Variants in CCDC149 observed in about 807,000 individuals in gnomAD.
CCDC149 encodes the protein coiled-coil domain-containing protein 149.
Under a neutral mutation model 59.9 loss-of-function variants are expected in CCDC149, and 45 were observed. The ratio of observed to expected loss-of-function variants is 0.75; its 90% CI spans 0.59 to 0.96. The LOEUF is 0.96. Ranked by LOEUF, CCDC149 falls within the 40% of genes least tolerant of loss-of-function variation. The pLI is 0.00. For missense variants in CCDC149, 584 were observed against 664.7 expected (o/e 0.88, Z 1.33); for synonymous variants, 245 against 260.6 (o/e 0.94, Z 0.58).
At chr4:24,890,475 T>C (rs1165498771) in intron 1 of CCDC149, among the ~76,000 whole-genome samples, 1 of 152,198 alleles carries the variant, frequency 6.6e-6, no homozygotes, top group Non-Finnish European at 1.5e-5. Context: ...AAGGATTCTA[T>C]AGAATTACTT....
chr4:24,834,313 A>T (rs916719394), intron 8 of CCDC149, among the ~76,000 whole-genome samples: 5 of 152,328 alleles, frequency 3.3e-5, no homozygotes, highest in Admixed American at 6.5e-5. Flanking sequence ...AATTCTGAAT[A>T]TTAAGTGTCA....
intron 1 of CCDC149, among the ~76,000 whole-genome samples, chr4:24,888,318 T>A (rs982639177): frequency 2.6e-5 from 4 of 152,136 alleles, no homozygotes; most frequent in African/African-American, 9.7e-5. Context: ...CAGATAGCCA[T>A]CAATTTATTA....
chr4:24,885,673 G>A (rs1577450785), intron 1 of CCDC149, among the ~76,000 whole-genome samples: 1 of 152,164 alleles, frequency 6.6e-6, no homozygotes, highest in East Asian at 1.9e-4. Context: ...ACTAGGAGGG[G>A]CCAAGAGACA....
At chr4:24,908,952 G>T (rs1721711435) in intron 1 of CCDC149, among the ~76,000 whole-genome samples, 1 of 152,196 alleles carries the variant, frequency 6.6e-6, no homozygotes, top group Non-Finnish European at 1.5e-5. Flanking sequence ...CCTGTACTTT[G>T]AGATGTCTCC....
chr4:24,845,641 A>C (rs1717241206), intron 4 of CCDC149, among the ~76,000 whole-genome samples: 1 of 152,224 alleles, frequency 6.6e-6, no homozygotes, highest in African/African-American at 2.4e-5. Context: ...CACTAGAACG[A>C]AACTCCCATG....
At chr4:24,861,251 A>AT (rs1718359544) in intron 3 of CCDC149, among the ~76,000 whole-genome samples, 1 of 12,438 alleles carries the variant, frequency 8.0e-5, no homozygotes, top group African/African-American at 9.5e-4. Flanking sequence ...ATAATATGTG[A>AT]TATATATATA....
At chr4:24,970,242 G>A (rs540748284) in intron 1 of CCDC149, among the ~76,000 whole-genome samples, 6 of 152,310 alleles carry the variant, frequency 3.9e-5, no homozygotes, top group African/African-American at 7.2e-5. Context: ...TGAGATGACC[G>A]GTGTTTCCAG....
At chr4:24,897,702 G>C (rs982164567) in intron 1 of CCDC149, among the ~76,000 whole-genome samples, 1 of 152,188 alleles carries the variant, frequency 6.6e-6, no homozygotes, top group Non-Finnish European at 1.5e-5. Flanking sequence ...AGGCCAGAGA[G>C]GGGTATGAAT....
chr4:24,969,059 C>T (rs1032223196), intron 1 of CCDC149, among the ~76,000 whole-genome samples: 5 of 152,182 alleles, frequency 3.3e-5, no homozygotes, highest in African/African-American at 9.7e-5. Flanking sequence ...CTGGGACATG[C>T]GAGGGGTAAA....
At chr4:24,822,473 T>G in intron 10 of CCDC149, 24 bp downstream of exon 10, 1 of 1,417,866 alleles carries the variant, frequency 7.1e-7, no homozygotes, top group South Asian at 1.5e-5. Flanking sequence ...AAAAGGAAAA[T>G]TGTTTTCATG....
chr4:24,813,440 G>A (rs138715977), intron 12 of CCDC149, among the ~76,000 whole-genome samples: 245 of 144,994 alleles, frequency 1.7e-3, no homozygotes, highest in African/African-American at 6.1e-3. Context: ...GATTTCTAAG[G>A]TTTCTAGATA....
intron 1 of CCDC149, among the ~76,000 whole-genome samples, chr4:24,959,070 T>C (rs1456074488): frequency 6.6e-6 from 1 of 151,690 alleles, no homozygotes; most frequent in Non-Finnish European, 1.5e-5. Context: ...GCCTCCCGGG[T>C]TCAAGCAATT....
intron 3 of CCDC149, among the ~76,000 whole-genome samples, chr4:24,856,266 G>A (rs901543822): frequency 6.6e-6 from 1 of 152,164 alleles, no homozygotes; most frequent in African/African-American, 2.4e-5. Context: ...GCATCTGCCT[G>A]GCACTGTTTT....
intron 1 of CCDC149, among the ~76,000 whole-genome samples, chr4:24,896,872 C>A (rs1468409577): frequency 6.6e-6 from 1 of 151,962 alleles, no homozygotes; most frequent in Non-Finnish European, 1.5e-5. Flanking sequence ...AAAAAAAAAT[C>A]AACGTCCTCG....
chr4:24,853,276 G>T, intron 3 of CCDC149, 97 bp from the exon 4 acceptor site: 1 of 878,106 alleles, frequency 1.1e-6, no homozygotes, highest in Non-Finnish European at 1.9e-6. Flanking sequence ...TCTAACCCCA[G>T]TTGAACCACA....
intron 1 of CCDC149, among the ~76,000 whole-genome samples, chr4:24,944,751 A>G (rs1228399784): frequency 1.3e-5 from 2 of 152,186 alleles, no homozygotes; most frequent in Non-Finnish European, 2.9e-5. Flanking sequence ...CCCAGAACTT[A>G]AAGTAAAATA....
chr4:24,848,326 T>A (rs1237293505), intron 4 of CCDC149, among the ~76,000 whole-genome samples: 2 of 152,154 alleles, frequency 1.3e-5, no homozygotes, highest in Non-Finnish European at 2.9e-5. Context: ...ATCCCAGCAC[T>A]TTGGGATGCC....
intron 1 of CCDC149, among the ~76,000 whole-genome samples, chr4:24,938,473 C>T (rs535471688): frequency 1.1e-4 from 16 of 152,294 alleles, no homozygotes; most frequent in South Asian, 2.1e-4. Flanking sequence ...CCAGCGTAAG[C>T]GATGCAGAAG....
In CCDC149 at chr4:24,968,631, T is replaced by A. The variant is rs371499972; in HGVS notation, c.-65+11438A>T. Among the ~76,000 whole-genome samples, 290 of 152,298 alleles carry A rather than the reference T, an allele frequency of 1.9e-3. 6 individuals carry two copies. In the South Asian group the frequency reaches 0.048, roughly 25 times the overall value. ...CAGTGGGTCATGGTACAAAGATGGG[T>A]CTAGCCAAGGTGTTACTGCTGCCTA... On this transcript the variant is annotated intron_variant, in intron 1 of 12. Transcript: ENST00000389609.
Sources: gnomAD v4.1 joint callset for allele counts (sites outside exome capture counted in the v4.1 genomes callset) on GRCh38, gnomAD v4.1.1 for gene constraint, MANE v1.5 for transcripts, NCBI Gene and HGNC (gene_info 2026-07-23, HGNC 2026-07-21) for gene names.